The following CERT1 variants were observed in gnomAD, a reference collection of about 807,000 sequenced individuals.
CERT1 encodes ceramide transporter 1.
In CERT1, 31 loss-of-function variants were observed where a neutral mutation model predicts 87.9. That is an observed-to-expected ratio of 0.35 (90% CI 0.27 to 0.48). The LOEUF (loss-of-function observed/expected upper bound fraction) is 0.48. Among genes scored for constraint, CERT1 ranks in the 20% least tolerant of loss-of-function variants. CERT1 has a pLI of 0.99. For synonymous variants in CERT1, 289 were observed against 250.9 expected (o/e 1.15, Z -1.44); for missense variants, 487 against 758.0 (o/e 0.64, Z 4.20).
chr5:75,378,794 A>G lies in CERT1; in HGVS notation c.*552T>C, dbSNP rs1433119232. On this transcript the variant is annotated 3_prime_UTR_variant, in exon 17 of 17. Coordinates refer to ENST00000643780, the MANE Select transcript of CERT1 (RefSeq NM_001379029.1). ...AATACAGGAAGTTTGCACTTCTACA[A>G]TTCTACAGTTCTATAATATCAAAAT... 6.6e-6 allele frequency: 1 copy of G among 152,270 alleles called. No homozygotes were observed. The highest frequency in any genetic ancestry group is 1.5e-5 in the Non-Finnish European group (1 of 68,058). The allele number at this position is 152,270 out of a possible 1,614,324, so 9.4% of individuals were successfully genotyped here.
At chr5:75,368,727 G>C (rs1760978964) in intron 17 of CERT1, 1 of 152,150 alleles carries the variant, frequency 6.6e-6, no homozygotes, top group Non-Finnish European at 1.5e-5. Context: ...CCTCCTTTCT[G>C]TATCTGGTGG....
In CERT1 at chr5:75,486,081, G is replaced by A. The variant is rs570570252; in HGVS notation, c.231+19901C>T. On this transcript the variant is annotated intron_variant, in intron 2 of 16. Coordinates refer to ENST00000643780, the MANE Select transcript of CERT1 (RefSeq NM_001379029.1). ...AAAATTGCCGGCCAATATCCCTGGCGAACATTGATACAAAAATCCTCAACA... is the reference window on the plus strand; with the variant it reads ...AAAATTGCCGGCCAATATCCCTGGCAAACATTGATACAAAAATCCTCAACA... 1.1e-4 allele frequency among the ~76,000 whole-genome samples: 16 copies of A among 152,118 alleles called. No individual in the cohort carries two copies. The East Asian group carries it at 1.2e-3, about 11-fold the overall frequency.
chr5:75,485,477 A>G (rs190019218), intron 2 of CERT1, among the ~76,000 whole-genome samples: 1 of 152,036 alleles, frequency 6.6e-6, no homozygotes, highest in Non-Finnish European at 1.5e-5. Context: ...AAAGAAAGAA[A>G]AGAGCAAACC....
chr5:75,457,926 G>C (rs1487164825), intron 3 of CERT1, among the ~76,000 whole-genome samples: 1 of 146,126 alleles, frequency 6.8e-6, no homozygotes, highest in South Asian at 2.2e-4. Flanking sequence ...GTGTGTGTGT[G>C]GTGTGTGTGT....
chr5:75,442,194 A>G (rs570694498), intron 3 of CERT1, among the ~76,000 whole-genome samples: 1 of 152,258 alleles, frequency 6.6e-6, no homozygotes, highest in Non-Finnish European at 1.5e-5. Flanking sequence ...TAAGATTTTT[A>G]TTTCTTCATA....
Position 75,369,676 on chromosome 5 carries a change from G to C in CERT1, c.*10-1018C>G, listed in dbSNP as rs539569048. ...GCATAGTGCCGGTACAGACACGGCG[G>C]AGATACCCTCACACACCACCTCATC... On this transcript the variant is annotated intron_variant, in intron 17 of 17. Transcript: ENST00000261415. 5 of 152,326 alleles carry C rather than the reference G, an allele frequency of 3.3e-5. No individual in the cohort carries two copies. The South Asian group carries it at 1.0e-3, about 32-fold the overall frequency. The allele number at this position is 152,326 out of a possible 1,614,324, so 9.4% of individuals were successfully genotyped here.
intron 5 of CERT1, among the ~76,000 whole-genome samples, chr5:75,420,336 T>C (rs1018716574): frequency 4.0e-5 from 6 of 149,858 alleles, no homozygotes; most frequent in African/African-American, 9.8e-5. Flanking sequence ...CTTGCAGATA[T>C]GATATCGACT....
rs185513349 is a variant in CERT1 at position 75,459,789 on chromosome 5, C to T, written c.232-608G>A. Reference sequence around the variant, plus strand: ...ACCAGCCTGGCCAAGATGGTGAAATCCTGTCTCTACTAAAAATACAAAAAT... The same window carrying T: ...ACCAGCCTGGCCAAGATGGTGAAATTCTGTCTCTACTAAAAATACAAAAAT... On this transcript the variant is annotated intron_variant, in intron 2 of 16. Transcript: ENST00000643780. 1.1e-3 allele frequency among the ~76,000 whole-genome samples: 163 copies of T among 152,012 alleles called. 1 individual carries two copies. The East Asian group carries it at 0.027, about 25-fold the overall frequency.
chr5:75,500,491 G>A, intron 2 of CERT1, among the ~76,000 whole-genome samples: 1 of 152,044 alleles, frequency 6.6e-6, no homozygotes, highest in East Asian at 1.9e-4. Flanking sequence ...TCTGAATCAT[G>A]TTATTGAAAG....
intron 2 of CERT1, among the ~76,000 whole-genome samples, chr5:75,503,915 A>AAATTAAACATTTAAATTTTTTGTTT (rs1218241625): frequency 2.0e-5 from 3 of 150,380 alleles, no homozygotes; most frequent in African/African-American, 4.9e-5. Context: ...TGTTTAATTT[A>AAATTAAACATTTAAATTTTTTGTTT]AAATTTTCTT....
intron 7 of CERT1, among the ~76,000 whole-genome samples, chr5:75,415,515 T>C (rs1173729297): frequency 6.6e-6 from 1 of 152,142 alleles, no homozygotes; most frequent in Non-Finnish European, 1.5e-5. Context: ...CTTTTCAACA[T>C]GGCAAATAAA....
chr5:75,465,855 G>T (rs556690622), intron 2 of CERT1, among the ~76,000 whole-genome samples: 3 of 152,270 alleles, frequency 2.0e-5, no homozygotes, highest in South Asian at 2.1e-4. Context: ...AGGAAAAGGG[G>T]GGGTAGAGAA....
At chr5:75,505,055 G>A (rs543721447) in intron 2 of CERT1, among the ~76,000 whole-genome samples, 2 of 152,186 alleles carry the variant, frequency 1.3e-5, no homozygotes, top group African/African-American at 4.8e-5. Flanking sequence ...GGGAGGCTGA[G>A]GTGGGTGGAT....
At chr5:75,491,724 T>C (rs1006562260) in intron 2 of CERT1, among the ~76,000 whole-genome samples, 10 of 152,218 alleles carry the variant, frequency 6.6e-5, no homozygotes, top group Non-Finnish European at 1.0e-4. Context: ...ATTATCTATC[T>C]ACAAGTAATG....
At chr5:75,503,499 G>C (rs1387955753) in intron 2 of CERT1, among the ~76,000 whole-genome samples, 1 of 151,940 alleles carries the variant, frequency 6.6e-6, no homozygotes, top group Non-Finnish European at 1.5e-5. Context: ...ACTGAATTCA[G>C]TTATATTTTT....
intron 2 of CERT1, among the ~76,000 whole-genome samples, chr5:75,480,572 A>G (rs758573785): frequency 6.6e-6 from 1 of 152,234 alleles, no homozygotes; most frequent in East Asian, 1.9e-4. Context: ...ATGCATACAC[A>G]TAACTCCAAC....
rs987205993 is a variant in CERT1, at chr5:75,483,921, C to T, written c.231+22061G>A. The stretch of plus-strand genomic sequence containing the variant: ...ACAAAAATCACTAATAGTATGTACA[C>T]AATCACAGAATATATAACACCTTAA... On this transcript the variant is annotated intron_variant, in intron 2 of 16. Coordinates refer to ENST00000643780, the MANE Select transcript of CERT1 (RefSeq NM_001379029.1). Among the ~76,000 whole-genome samples, 9 of 151,284 alleles carry T rather than the reference C, an allele frequency of 5.9e-5. No individual in the cohort carries two copies. The East Asian group carries it at 1.5e-3, about 26-fold the overall frequency.
rs796155959 is a variant in CERT1, at chr5:75,395,553, T to C, written c.1188+3757A>G. On this transcript the variant is annotated intron_variant, in intron 11 of 16. Coordinates refer to ENST00000643780, the MANE Select transcript of CERT1 (RefSeq NM_001379029.1). ...CTGGACAAGTGAAACCTTGTCTCTT[T>C]ACAAAAAAAAAAAAAAAAAAAAAAA... Among the ~76,000 whole-genome samples the C allele has an allele frequency of 3.4e-3, 135 of 39,552 alleles. 1 individual carries two copies. Among genetic ancestry groups the C allele is most frequent in the African/African-American group, 0.02 (131 of 6,478 alleles). The allele number at this position is 39,552 out of a possible 152,430, so 25.9% of individuals were successfully genotyped here. A position where few individuals can be genotyped will look rare whatever the true frequency, so the allele number is the denominator to read the frequency against.
intron 3 of CERT1, among the ~76,000 whole-genome samples, chr5:75,435,770 G>A (rs945986386): frequency 1.3e-5 from 2 of 152,130 alleles, no homozygotes; most frequent in Non-Finnish European, 2.9e-5. Flanking sequence ...GGCCCCTAGA[G>A]GTTAAGCACC....
Sources: gnomAD v4.1 joint callset for allele counts (sites outside exome capture counted in the v4.1 genomes callset) on GRCh38, gnomAD v4.1.1 for gene constraint, MANE v1.5 for transcripts, NCBI Gene and HGNC (gene_info 2026-07-23, HGNC 2026-07-21) for gene names.